The following DCST2 variants were observed in gnomAD, a reference collection of about 807,000 sequenced individuals.
The protein encoded by DCST2 is DC-STAMP domain-containing protein 2.
Under a neutral mutation model 81.8 loss-of-function variants are expected in DCST2, and 64 were observed. The ratio of observed to expected loss-of-function variants is 0.78; its 90% CI spans 0.64 to 0.96. The LOEUF is 0.96. Among genes scored for constraint, DCST2 ranks in the 40% least tolerant of loss-of-function variants. The pLI is 0.00. For synonymous variants in DCST2, 354 were observed against 402.6 expected (o/e 0.88, Z 1.44); for missense variants, 945 against 1,001.4 (o/e 0.94, Z 0.76).
chr1:155,026,898 T>G, intron 8 of DCST2, 183 bp from the exon 9 acceptor site: 1 of 666,658 alleles, frequency 1.5e-6, no homozygotes, highest in Non-Finnish European at 2.5e-6. Context: ...TTCTGGCTCC[T>G]AGGACTGGCC....
rs186146984 is a variant in DCST2 at position 155,031,562 on chromosome 1, T to G, written c.739+12A>C. 7.5e-6 allele frequency: 9 copies of G among 1,200,462 alleles called. No individual in the cohort carries two copies. The highest frequency in any genetic ancestry group is 2.0e-5 in the African/African-American group (1 of 50,084). The allele number at this position is 1,200,462 out of a possible 1,614,324, so 74.4% of individuals were successfully genotyped here. A position where few individuals can be genotyped will look rare whatever the true frequency, so the allele number is the denominator to read the frequency against. The stretch of plus-strand genomic sequence containing the variant: ...TCGGCTCCTCCCCGCTGGCAGACCC[T>G]GGTTTTCTCACGGCTGGCAAGTCCA... On this transcript the variant is annotated intron_variant, in intron 4 of 14. Coordinates refer to ENST00000368424, the MANE Select transcript of DCST2 (RefSeq NM_144622.3).
chr1:155,021,652 C>T (rs1312141089), intron 14 of DCST2, among the ~76,000 whole-genome samples: 1 of 151,954 alleles, frequency 6.6e-6, no homozygotes, highest in African/African-American at 2.4e-5. Flanking sequence ...GCCCTACAGA[C>T]ACCTCAAAGA....
chr1:155,032,769 C>T lies in DCST2; in HGVS notation c.440-1G>A. 3.1e-6 allele frequency: 5 copies of T among 1,614,006 alleles called. No homozygotes were observed. Among genetic ancestry groups the T allele is most frequent in the Non-Finnish European group, 4.2e-6 (5 of 1,179,904 alleles). On this transcript the variant is annotated splice_acceptor_variant, in intron 2 of 14. Transcript: ENST00000368424. LOFTEE classifies it high-confidence loss of function. ...ATAGCTTTAATCTTGTTCAGGGCAC[C>T]TGATGGGTGAGGGACAGAGGCACTT...
At position 155,018,766 on chromosome 1, in the gene DCST2, G is replaced by A. The variant is rs747741487; in HGVS notation, c.2106-6C>T. The A allele has an allele frequency of 4.0e-5, 64 of 1,611,798 alleles. No homozygotes were observed. Among genetic ancestry groups the A allele is most frequent in the Admixed American group, 1.5e-4 (9 of 59,822 alleles). ...CCTTCTCCTCATCCAGGTCACTAGT[G>A]AGGAGAGGAAGGGGGTGGCCGGATC... On this transcript the variant is annotated splice_polypyrimidine_tract_variant and splice_region_variant and intron_variant, in intron 14 of 14. Transcript: ENST00000368424.
chr1:155,031,288 C>T, intron 4 of DCST2, 54 bp from the exon 5 acceptor site: 1 of 1,517,332 alleles, frequency 6.6e-7, no homozygotes, highest in Non-Finnish European at 8.9e-7. Context: ...CAGGCCTGCC[C>T]CCGACCTCTG....
intron 8 of DCST2, among the ~76,000 whole-genome samples, chr1:155,026,997 C>A (rs1036414708): frequency 1.3e-5 from 2 of 152,044 alleles, no homozygotes; most frequent in African/African-American, 4.8e-5. Context: ...GAGTCCACCC[C>A]CCGGCCTCCA....
chr1:155,018,727 C>T lies in DCST2; in HGVS notation c.2139G>A (p.Arg713=), dbSNP rs1229972846. Residue 713 remains arginine, a synonymous_variant, in exon 15 of 15, where the codon AGG becomes AGA. Transcript: ENST00000368424. ...DLDEEKGPQQ[R]KHGQQPLPEA... ...CAGGTAAGGGCTGCTGCCCGTGCTT[C>T]CTCTGCTGAGGCCCCTTCTCCTCAT... 1.2e-6 allele frequency: 2 copies of T among 1,613,644 alleles called. No homozygotes were observed. Among genetic ancestry groups the T allele is most frequent in the Admixed American group, 1.7e-5 (1 of 59,994 alleles).
At chr1:155,030,029 G>A (rs116757455) in intron 7 of DCST2, 55 bp downstream of exon 7, 36 of 1,603,214 alleles carry the variant, frequency 2.2e-5, no homozygotes, top group African/African-American at 8.0e-5. Flanking sequence ...GCAGCGGGGT[G>A]GGGGGAAGCC....
chr1:155,020,646 C>T (rs1318612759), intron 14 of DCST2, among the ~76,000 whole-genome samples: 2 of 152,068 alleles, frequency 1.3e-5, no homozygotes, highest in Non-Finnish European at 2.9e-5. Flanking sequence ...GGATTACAGG[C>T]GTGAGCCACC....
Position 155,030,790 on chromosome 1 carries a change from G to A in DCST2, c.806-145C>T. On this transcript the variant is annotated intron_variant, in intron 5 of 14. Transcript: ENST00000368424. ...CCCAGTGCTTGGGTCAAGGTGGACT[G>A]AGGAGGGGACAAAGCCTCCACGTAT... is the stretch of plus-strand genomic sequence containing the variant. The A allele has an allele frequency of 3.5e-5, 28 of 791,708 alleles. No homozygotes were observed. In the South Asian group the frequency reaches 5.0e-4, roughly 14 times the overall value. 49.0% of individuals were successfully genotyped at this position (791,708 alleles called of 1,614,324 possible). A position where few individuals can be genotyped will look rare whatever the true frequency, so the allele number is the denominator to read the frequency against.
Position 155,033,253 on chromosome 1 carries a change from T to C in DCST2, c.280A>G (p.Thr94Ala), listed in dbSNP as rs769980165. ...LPQAFSRQGR[T>A]LLLVAAFGLV... ...CCAAAAGCAGCCACCAACAGTAGTG[T>C]CCGGCCCTGCCCTGGGGGCGACAGC... The change falls in exon 2 of 15, where the codon ACA becomes GCA. Residue 94 changes from threonine to alanine, a missense_variant. By Grantham distance (58) the Thr-to-Ala change is moderately conservative. Coordinates refer to ENST00000368424, the MANE Select transcript of DCST2 (RefSeq NM_144622.3). 5 of 1,611,572 alleles carry C rather than the reference T, an allele frequency of 3.1e-6. No homozygotes were observed. The highest frequency in any genetic ancestry group is 4.2e-6 in the Non-Finnish European group (5 of 1,179,010).
chr1:155,018,877 T>A, intron 14 of DCST2, 117 bp from the exon 15 acceptor site: 1 of 1,026,462 alleles, frequency 9.7e-7, no homozygotes, highest in Non-Finnish European at 1.4e-6. Context: ...TCTGAGCAAC[T>A]CCTGCTCTCT....
At position 155,031,246 on chromosome 1, in the gene DCST2, A is replaced by T. The variant is rs760109397; in HGVS notation, c.740-12T>A. The T allele has an allele frequency of 1.9e-6, 3 of 1,563,214 alleles. No individual in the cohort carries two copies. In the Admixed American group the frequency reaches 5.9e-5, roughly 31 times the overall value. ...GAACACCTGGACCACTGAGGGGCGG[A>T]GTCGGCTGAGTGTCGGAAGGAGGGG... On this transcript the variant is annotated splice_polypyrimidine_tract_variant and intron_variant, in intron 4 of 14. Transcript: ENST00000368424.
At chr1:155,025,147 C>CAAAAAAAAAAAAAAAAAGAAA (rs1659864222) in intron 10 of DCST2, among the ~76,000 whole-genome samples, 1 of 111,386 alleles carries the variant, frequency 9.0e-6, no homozygotes. Context: ...AATTCTGTCT[C>CAAAAAAAAAAAAAAAAAGAAA]AAAAAAAAAA....
At chr1:155,030,996 C>T (rs906548256) in intron 5 of DCST2, 173 bp downstream of exon 5, 11 of 731,514 alleles carry the variant, frequency 1.5e-5, no homozygotes, top group African/African-American at 7.1e-5. Context: ...TCGCTGGACC[C>T]GTTTCCTGAT....
In DCST2 at chr1:155,019,842, C is replaced by G. The variant is rs575212030; in HGVS notation, c.2106-1082G>C. Among the ~76,000 whole-genome samples the G allele has an allele frequency of 7.2e-5, 11 of 152,360 alleles. No homozygotes were observed. The East Asian group carries it at 1.7e-3, about 24-fold the overall frequency. On this transcript the variant is annotated intron_variant, in intron 14 of 14. Coordinates refer to ENST00000368424, the MANE Select transcript of DCST2 (RefSeq NM_144622.3). ...TCCAGCATCATCTGGGCCTTTGACG[C>G]TACCTGGAAATCCCTTAACCTCCCT... is the stretch of plus-strand genomic sequence containing the variant.
intron 7 of DCST2, 83 bp downstream of exon 7, chr1:155,030,001 C>G: frequency 6.4e-7 from 1 of 1,574,754 alleles, no homozygotes; most frequent in South Asian, 1.1e-5. Flanking sequence ...CCTGCCTGTG[C>G]AGGGGCTTAG....
chr1:155,031,215 G>T lies in DCST2; in HGVS notation c.759C>A (p.Val253=). Residue 253 remains valine, a synonymous_variant, in exon 5 of 15, where the codon GTC becomes GTA. Transcript: ENST00000368424. The part of the protein sequence containing the change: ...GLASLVQVFC[V]IPKYIQPFLR... ...AGAAGGGTTGAATGTACTTAGGGATGACGCAGAACACCTGGACCACTGAGG... is the reference window on the plus strand; with the variant it reads ...AGAAGGGTTGAATGTACTTAGGGATTACGCAGAACACCTGGACCACTGAGG... 6.3e-7 allele frequency: 1 copy of T among 1,588,312 alleles called. No individual in the cohort carries two copies. Among genetic ancestry groups the T allele is most frequent in the Non-Finnish European group, 8.6e-7 (1 of 1,168,790 alleles).
Position 155,023,139 on chromosome 1 carries a change from T to C in DCST2, c.2083A>G (p.Met695Val). The C allele has an allele frequency of 6.2e-7, 1 of 1,613,462 alleles. No homozygotes were observed. The highest frequency in any genetic ancestry group is 8.5e-7 in the Non-Finnish European group (1 of 1,180,046). Residue 695 changes from methionine to valine, a missense_variant, in exon 14 of 15, where the codon ATG becomes GTG. Coordinates refer to ENST00000368424, the MANE Select transcript of DCST2 (RefSeq NM_144622.3). ...CACCTGGACTCGGAAGTGGACTCCA[T>C]TGAGAGGCTCCTGCCGAGCACTTCT... ...LQEVLGRSLS[M>V]ESTSESSDLD... is the part of the protein sequence containing the mutation.
Sources: allele counts gnomAD v4.1 joint callset (sites outside exome capture counted in the v4.1 genomes callset), GRCh38; gene constraint gnomAD v4.1.1; transcripts MANE v1.5; gene names NCBI Gene and HGNC (gene_info 2026-07-23, HGNC 2026-07-21).